The following CPD variants were observed in gnomAD, a reference collection of about 807,000 sequenced individuals.
The protein encoded by CPD is carboxypeptidase D.
CPD carries 69 observed loss-of-function variants against 138.3 expected under a neutral mutation model. That is an observed-to-expected ratio of 0.50 (90% CI 0.41 to 0.61). The LOEUF (loss-of-function observed/expected upper bound fraction) is 0.61, where lower values mean the gene tolerates loss of function less well. Ranked by LOEUF, CPD falls within the 20% of genes least tolerant of loss-of-function variation. CPD has a pLI of 0.00. For synonymous variants in CPD, 651 were observed against 642.1 expected, an observed-to-expected ratio of 1.01 and a Z score of -0.21; for missense variants, 1,432 against 1,733.3, an observed-to-expected ratio of 0.83 and a Z score of 3.09.
chr17:30,457,363 C>T (rs981034246), intron 17 of CPD, among the ~76,000 whole-genome samples: 5 of 152,132 alleles, frequency 3.3e-5, no homozygotes, highest in African/African-American at 9.7e-5. Flanking sequence ...ATTCATGTGT[C>T]AATGGGCACT....
intron 18 of CPD, among the ~76,000 whole-genome samples, chr17:30,461,627 A>G (rs963182159): frequency 6.6e-6 from 1 of 152,186 alleles, no homozygotes; most frequent in African/African-American, 2.4e-5. Context: ...CTAATGCTTC[A>G]GGCTATGACA....
intron 20 of CPD, among the ~76,000 whole-genome samples, chr17:30,463,232 C>T (rs1278449492): frequency 6.6e-6 from 1 of 152,204 alleles, no homozygotes; most frequent in Admixed American, 6.5e-5. Context: ...ACCCTAGCTA[C>T]CCCTGTCACT....
At position 30,378,996 on chromosome 17, in the gene CPD, G is replaced by A. The variant is rs1910963634; in HGVS notation, c.16G>A (p.Asp6Asn). MASGR[D>N]ERPPWRLGRL... Reference sequence around the variant, plus strand: ...CTGCTGGAAGATGGCGAGCGGCCGGGACGAGCGGCCGCCTTGGCGGCTAGG... The same window carrying A: ...CTGCTGGAAGATGGCGAGCGGCCGGAACGAGCGGCCGCCTTGGCGGCTAGG... Residue 6 changes from aspartate to asparagine, a missense_variant, in exon 1 of 21, where the codon GAC becomes AAC. Coordinates refer to ENST00000225719, the MANE Select transcript of CPD (RefSeq NM_001304.5). 2 of 1,543,604 alleles carry A rather than the reference G, an allele frequency of 1.3e-6. No individual in the cohort carries two copies. The highest frequency in any genetic ancestry group is 1.9e-4 in the Middle Eastern group (1 of 5,254).
chr17:30,442,625 C>T (rs963497832), intron 10 of CPD, among the ~76,000 whole-genome samples, 175 bp downstream of exon 10: 3 of 151,910 alleles, frequency 2.0e-5, no homozygotes, highest in East Asian at 1.9e-4. Context: ...CTAGAAAATT[C>T]GTGAATGGAA....
chr17:30,403,595 G>A (rs7220085), intron 2 of CPD, among the ~76,000 whole-genome samples: 1,924 of 152,252 alleles, frequency 0.013, 36 homozygotes, highest in African/African-American at 0.044. Flanking sequence ...GATACCACTC[G>A]TCTTCCACTA....
intron 2 of CPD, among the ~76,000 whole-genome samples, chr17:30,414,086 G>T (rs1427073143): frequency 6.6e-6 from 1 of 152,234 alleles, no homozygotes; most frequent in Non-Finnish European, 1.5e-5. Flanking sequence ...AAAGCTGGGT[G>T]ATGGGGATCA....
rs1597735754 is a variant in CPD at position 30,453,192 on chromosome 17, A to G, written c.3205+1346A>G. Among the ~76,000 whole-genome samples, 4 of 152,294 alleles carry G rather than the reference A, an allele frequency of 2.6e-5. No homozygotes were observed. In the South Asian group the frequency reaches 8.3e-4, roughly 32 times the overall value. On this transcript the variant is annotated intron_variant, in intron 14 of 20. Transcript: ENST00000225719. ...AAAGTCTTATTTCAGCATTAACTCA[A>G]AAGTCCACAGTCCAACATCTCATCT...
At chr17:30,407,493 T>C (rs1419270984) in intron 2 of CPD, among the ~76,000 whole-genome samples, 1 of 152,218 alleles carries the variant, frequency 6.6e-6, no homozygotes, top group Non-Finnish European at 1.5e-5. Context: ...TCCTGACTTT[T>C]TAATGATCGC....
intron 2 of CPD, among the ~76,000 whole-genome samples, chr17:30,402,825 G>A (rs1451335888): frequency 1.3e-5 from 2 of 152,068 alleles, no homozygotes; most frequent in Non-Finnish European, 2.9e-5. Context: ...AATACTTGTT[G>A]GCTGGGTGTG....
Position 30,442,244 on chromosome 17 carries a change from C to T in CPD, c.2231-64C>T. On this transcript the variant is annotated intron_variant, in intron 9 of 20. Coordinates refer to ENST00000225719, the MANE Select transcript of CPD (RefSeq NM_001304.5). ...GGCTTTTTACTAGGAATGTTGCTTA[C>T]CTTTTGGGATCTGAGCTGTTTAGAA... The T allele has an allele frequency of 4.0e-6, 6 of 1,505,778 alleles. No homozygotes were observed. In the East Asian group the frequency reaches 1.4e-4, roughly 34 times the overall value. 93.3% of individuals were successfully genotyped at this position (1,505,778 alleles called of 1,614,324 possible). A position where few individuals can be genotyped will look rare whatever the true frequency, so the allele number is the denominator to read the frequency against.
chr17:30,462,534 G>A (rs1010335922), intron 20 of CPD, 65 bp downstream of exon 20: 63 of 1,088,480 alleles, frequency 5.8e-5, no homozygotes, highest in Non-Finnish European at 1.7e-5. Context: ...ATATGAGAGT[G>A]GGTCACCTCT....
Position 30,442,434 on chromosome 17 carries a change from T to C in CPD, c.2357T>C (p.Ile786Thr), listed in dbSNP as rs1225447191. 6.2e-7 allele frequency: 1 copy of C among 1,613,128 alleles called. No individual in the cohort carries two copies. The highest frequency in any genetic ancestry group is 1.3e-5 in the African/African-American group (1 of 74,888). ...NFWEQNRRSLIQFMKQVHQGV... is the reference protein window; with the variant it reads ...NFWEQNRRSLTQFMKQVHQGV... ...TGGGAACAGAATCGAAGATCACTAA[T>C]CCAGTTTATGAAACAGGTGACTATT... The change falls in exon 10 of 21, where the codon ATC becomes ACC. Residue 786 changes from isoleucine to threonine, a missense_variant. Ile to Thr is a moderately conservative substitution (Grantham distance 89). Transcript: ENST00000225719.
At position 30,469,132 on chromosome 17, in the gene CPD, T is replaced by C. The variant is rs1913721664; in HGVS notation, c.*4318T>C. On this transcript the variant is annotated 3_prime_UTR_variant, in exon 21 of 21. Transcript: ENST00000225719. ...TCACTTAGCAACAATGTGTTACTTC[T>C]ACCCTAATAGGAATTGGGAAAGCAA... The C allele has an allele frequency of 6.6e-6, 1 of 152,200 alleles. No individual in the cohort carries two copies. Among genetic ancestry groups the C allele is most frequent in the African/African-American group, 2.4e-5 (1 of 41,448 alleles). The allele number at this position is 152,200 out of a possible 1,614,324, so 9.4% of individuals were successfully genotyped here. A position where few individuals can be genotyped will look rare whatever the true frequency, so the allele number is the denominator to read the frequency against.
chr17:30,406,246 A>G (rs1911798475), intron 2 of CPD, among the ~76,000 whole-genome samples: 1 of 152,072 alleles, frequency 6.6e-6, no homozygotes, highest in Non-Finnish European at 1.5e-5. Context: ...TTACACTGTG[A>G]AGCTAATATT....
At chr17:30,421,129 T>C in intron 3 of CPD, 146 bp downstream of exon 3, 3 of 624,378 alleles carry the variant, frequency 4.8e-6, no homozygotes, top group Non-Finnish European at 7.4e-6. Flanking sequence ...CTTTAAAGAT[T>C]ATTAGATTAT....
At chr17:30,449,437 A>T in intron 12 of CPD, 116 bp from the exon 13 acceptor site, 4 of 903,784 alleles carry the variant, frequency 4.4e-6, no homozygotes, top group Non-Finnish European at 6.5e-6. Context: ...TTCACTCTTT[A>T]AAGACTTTTT....
chr17:30,415,976 CG>C (rs1347119086), intron 2 of CPD, among the ~76,000 whole-genome samples: 1 of 152,018 alleles, frequency 6.6e-6, no homozygotes, highest in Non-Finnish European at 1.5e-5. Flanking sequence ...TGCCAAGAGC[CG>C]GGGAGAGTGG....
chr17:30,408,368 A>G (rs1233056629), intron 2 of CPD, among the ~76,000 whole-genome samples: 1 of 152,126 alleles, frequency 6.6e-6, no homozygotes, highest in Non-Finnish European at 1.5e-5. Flanking sequence ...CTTGATGGGG[A>G]TGGCATTGAA....
At chr17:30,453,267 T>C (rs956749392) in intron 14 of CPD, among the ~76,000 whole-genome samples, 1 of 152,172 alleles carries the variant, frequency 6.6e-6, no homozygotes, top group Non-Finnish European at 1.5e-5. Context: ...AGCAAGTTAG[T>C]TACTTCCTAG....
Sources: allele counts gnomAD v4.1 joint callset (sites outside exome capture counted in the v4.1 genomes callset), GRCh38; gene constraint gnomAD v4.1.1; transcripts MANE v1.5; gene names NCBI Gene and HGNC (gene_info 2026-07-23, HGNC 2026-07-21).